The following BMPER variants were observed in gnomAD, a reference collection of about 807,000 sequenced individuals.
The protein encoded by BMPER is BMP binding endothelial regulator, also known as BMP-binding endothelial regulator protein.
A neutral mutation model predicts 87.3 loss-of-function variants in BMPER; 45 were observed. The observed-to-expected ratio is 0.52, with a 90% confidence interval of 0.41 to 0.66. BMPER has a LOEUF of 0.66. Ranked by LOEUF, BMPER falls within the 30% of genes least tolerant of loss-of-function variation. BMPER has a pLI of 0.00. For missense variants in BMPER, 784 were observed against 867.5 expected, an observed-to-expected ratio of 0.90 and a Z score of 1.21; for synonymous variants, 326 against 316.2, an observed-to-expected ratio of 1.03 and a Z score of -0.33.
At chr7:33,945,597 T>G (rs1359256717) in intron 3 of BMPER, among the ~76,000 whole-genome samples, 1 of 152,070 alleles carries the variant, frequency 6.6e-6, no homozygotes, top group African/African-American at 2.4e-5. Context: ...CTGAGGCTCA[T>G]GAAAGCTGTG....
At chr7:34,148,255 G>T (rs1203039742) in intron 14 of BMPER, among the ~76,000 whole-genome samples, 1 of 152,090 alleles carries the variant, frequency 6.6e-6, no homozygotes, top group Non-Finnish European at 1.5e-5. Context: ...AATCAAGTTT[G>T]CTCACTTGAT....
chr7:33,941,302 C>G (rs1367111398), intron 3 of BMPER, among the ~76,000 whole-genome samples: 2 of 149,114 alleles, frequency 1.3e-5, no homozygotes, highest in South Asian at 2.1e-4. Flanking sequence ...AGAAATGGAG[C>G]CTCGTTTTTT....
chr7:33,921,863 G>C (rs1395562906), intron 2 of BMPER: 1 of 470,682 alleles, frequency 2.1e-6, no homozygotes, highest in African/African-American at 2.0e-5. Flanking sequence ...GGAGGAACCA[G>C]ACGCAAACAA....
At position 34,026,585 on chromosome 7, in the gene BMPER, G is replaced by A. The variant is rs557393602; in HGVS notation, c.577-19721G>A. 2.6e-5 allele frequency among the ~76,000 whole-genome samples: 4 copies of A among 151,982 alleles called. No individual in the cohort carries two copies. The East Asian group carries it at 5.8e-4, about 22-fold the overall frequency. On this transcript the variant is annotated intron_variant, in intron 6 of 14. Coordinates refer to ENST00000649409, the MANE Select transcript of BMPER (RefSeq NM_001365308.1). ...TAAAGCATACTGGGGAAGGAATAGC[G>A]GGCTTCTCAGGGCCATCAGATTGAT... is the stretch of plus-strand genomic sequence containing the variant.
chr7:33,942,341 C>T (rs1411371303), intron 3 of BMPER, among the ~76,000 whole-genome samples: 1 of 152,112 alleles, frequency 6.6e-6, no homozygotes, highest in Non-Finnish European at 1.5e-5. Context: ...TTTCTTGGAG[C>T]CAGGCACTGA....
At chr7:34,021,055 T>C (rs1200552758) in intron 6 of BMPER, among the ~76,000 whole-genome samples, 1 of 152,056 alleles carries the variant, frequency 6.6e-6, no homozygotes, top group East Asian at 1.9e-4. Context: ...CAAACCTTGA[T>C]GCAAAAGAAA....
At chr7:33,975,886 G>C (rs1785674228) in intron 6 of BMPER, among the ~76,000 whole-genome samples, 1 of 152,058 alleles carries the variant, frequency 6.6e-6, no homozygotes, top group African/African-American at 2.4e-5. Context: ...AGAGAATACA[G>C]ATTAGAGGAA....
At chr7:33,958,270 G>A (rs1345470745) in intron 3 of BMPER, among the ~76,000 whole-genome samples, 1 of 152,066 alleles carries the variant, frequency 6.6e-6, no homozygotes, top group Non-Finnish European at 1.5e-5. Context: ...ATTGCTCAGG[G>A]CTGAATCCCA....
chr7:33,997,755 G>A (rs1029332493), intron 6 of BMPER, among the ~76,000 whole-genome samples: 3 of 152,122 alleles, frequency 2.0e-5, no homozygotes, highest in Non-Finnish European at 4.4e-5. Context: ...CAGTTCTTTT[G>A]TATTTGAATG....
intron 13 of BMPER, among the ~76,000 whole-genome samples, chr7:34,115,958 C>A (rs1790107514): frequency 6.6e-6 from 1 of 152,208 alleles, no homozygotes; most frequent in Non-Finnish European, 1.5e-5. Context: ...GTTCTGATTT[C>A]TCCACATCCT....
intron 13 of BMPER, among the ~76,000 whole-genome samples, chr7:34,101,219 C>T (rs999232343): frequency 1.4e-4 from 21 of 152,142 alleles, no homozygotes; most frequent in African/African-American, 4.6e-4. Context: ...AGCATCACGA[C>T]GTTTTTTTCC....
intron 2 of BMPER, among the ~76,000 whole-genome samples, chr7:33,914,738 A>G (rs1784048656): frequency 6.6e-6 from 1 of 152,182 alleles, no homozygotes; most frequent in South Asian, 2.1e-4. Flanking sequence ...TAACTAGAAG[A>G]AGGGTTGTAT....
At chr7:34,131,750 G>A (rs370484460) in intron 13 of BMPER, among the ~76,000 whole-genome samples, 24 of 152,156 alleles carry the variant, frequency 1.6e-4, no homozygotes, top group Admixed American at 7.9e-4. Flanking sequence ...AGTATTGTTC[G>A]GCTGCCAATG....
rs367580259 is a variant in BMPER at position 33,960,295 on chromosome 7, C to G, written c.320-6184C>G. ...AATAAAAGCCTGTTTTAAATGAAGT[C>G]TTAAGGATACTGTTTAAGCCCTAGA... On this transcript the variant is annotated intron_variant, in intron 3 of 14. Coordinates refer to ENST00000649409, the MANE Select transcript of BMPER (RefSeq NM_001365308.1). 2.6e-5 allele frequency among the ~76,000 whole-genome samples: 4 copies of G among 152,254 alleles called. No individual in the cohort carries two copies. In the South Asian group the frequency reaches 8.3e-4, roughly 32 times the overall value.
chr7:33,963,962 G>A (rs1004819145), intron 3 of BMPER, among the ~76,000 whole-genome samples: 1 of 152,086 alleles, frequency 6.6e-6, no homozygotes, highest in South Asian at 2.1e-4. Flanking sequence ...TAAAAATAGG[G>A]CAAGATATTG....
chr7:34,090,504 T>C (rs1789350908), intron 13 of BMPER, among the ~76,000 whole-genome samples: 1 of 152,142 alleles, frequency 6.6e-6, no homozygotes, highest in Non-Finnish European at 1.5e-5. Context: ...TAGCAGCCAG[T>C]ATCAAACCTA....
intron 12 of BMPER, among the ~76,000 whole-genome samples, chr7:34,081,948 A>C (rs1199203754): frequency 6.6e-6 from 1 of 152,236 alleles, no homozygotes; most frequent in Non-Finnish European, 1.5e-5. Flanking sequence ...CAAACAATGC[A>C]AAACAACAAT....
intron 6 of BMPER, among the ~76,000 whole-genome samples, chr7:33,994,225 G>C (rs1196259352): frequency 6.6e-6 from 1 of 152,240 alleles, no homozygotes; most frequent in Non-Finnish European, 1.5e-5. Context: ...CAGCCTCGCT[G>C]CCGCCTTGCA....
Position 33,976,565 on chromosome 7 carries a change from AT to A in BMPER, c.576+1789del, listed in dbSNP as rs573788890. On this transcript the variant is annotated intron_variant, in intron 6 of 14. Coordinates refer to ENST00000649409, the MANE Select transcript of BMPER (RefSeq NM_001365308.1). ...CTGTAAACTATAAAGCTTTCTGATA[AT>A]TTTTTTTAAATAATCTTATGCTTTT... Among the ~76,000 whole-genome samples the A allele has an allele frequency of 5.5e-3, 840 of 152,218 alleles. 5 individuals are homozygous for A. Among genetic ancestry groups the A allele is most frequent in the Non-Finnish European group, 1.0e-2 (677 of 68,008 alleles).
Sources: allele counts gnomAD v4.1 joint callset (sites outside exome capture counted in the v4.1 genomes callset), GRCh38; gene constraint gnomAD v4.1.1; transcripts MANE v1.5; gene names NCBI Gene and HGNC (gene_info 2026-07-23, HGNC 2026-07-21).